The following HTR2C variants were observed in gnomAD, a reference collection of about 807,000 sequenced individuals.
HTR2C encodes 5-hydroxytryptamine (serotonin) receptor 2C, G protein-coupled.
In HTR2C, 5 loss-of-function variants were observed where a neutral mutation model predicts 21.0. That is an observed-to-expected ratio of 0.24 (90% confidence interval 0.12 to 0.50). HTR2C has a LOEUF of 0.50. Ranked by LOEUF, HTR2C falls within the 20% of genes least tolerant of loss-of-function variation. The pLI is 0.98. For synonymous variants in HTR2C, 150 were observed against 145.3 expected (o/e 1.03, Z -0.23); for missense variants, 271 against 371.2 (o/e 0.73, Z 2.22).
At chrX:114,902,204 C>T (rs1428355253) in intron 5 of HTR2C, among the ~76,000 whole-genome samples, 2 of 111,675 alleles carry the variant, frequency 1.8e-5, no homozygotes, top group African/African-American at 6.5e-5. Flanking sequence ...TTTATATTTA[C>T]CAGACATGAT....
intron 5 of HTR2C, among the ~76,000 whole-genome samples, chrX:114,868,592 G>A (rs2071065219): frequency 1.8e-5 from 2 of 112,240 alleles, no homozygotes; most frequent in South Asian, 7.3e-4. Flanking sequence ...TTTGTTTCCA[G>A]GTTTTTGCCA....
chrX:114,656,217 C>G (rs1314999746), intron 2 of HTR2C, among the ~76,000 whole-genome samples: 1 of 110,762 alleles, frequency 9.0e-6, no homozygotes, highest in Admixed American at 9.7e-5. Context: ...TATTGTCTCA[C>G]TACTAATTAT....
rs2071402904 is a variant in HTR2C, at chrX:114,909,999, G to A, written c.*2584G>A. ...AAGTGTTGTCTTATTCCTAATTCCTGTATGTTATCCACTACAGGTTTTATG... is the reference window on the plus strand; with the variant it reads ...AAGTGTTGTCTTATTCCTAATTCCTATATGTTATCCACTACAGGTTTTATG... On this transcript the variant is annotated 3_prime_UTR_variant, in exon 6 of 6. Coordinates refer to ENST00000276198, the MANE Select transcript of HTR2C (RefSeq NM_000868.4). The A allele has an allele frequency of 9.0e-6, 1 of 111,690 alleles. No individual in the cohort carries two copies. The highest frequency in any genetic ancestry group is 3.3e-5 in the African/African-American group (1 of 30,575). The allele number at this position is 111,690 out of a possible 1,213,427, so 9.2% of individuals were successfully genotyped here.
chrX:114,771,978 G>A (rs977742411), intron 4 of HTR2C, among the ~76,000 whole-genome samples: 8 of 112,191 alleles, frequency 7.1e-5, no homozygotes, highest in Admixed American at 1.9e-4. Flanking sequence ...CACTCAACTG[G>A]CTGGTTACTG....
intron 2 of HTR2C, among the ~76,000 whole-genome samples, chrX:114,703,456 G>A (rs1932630962): frequency 1.8e-5 from 2 of 111,087 alleles, no homozygotes; most frequent in South Asian, 3.8e-4. Flanking sequence ...GCTCCTGAAT[G>A]ACTACTGGGT....
At chrX:114,844,887 T>C (rs192968831) in intron 4 of HTR2C, among the ~76,000 whole-genome samples, 18 of 111,300 alleles carry the variant, frequency 1.6e-4, no homozygotes, top group Admixed American at 2.9e-4. Context: ...AAAGAATTAA[T>C]GGGAGAAAAA....
intron 1 of HTR2C, among the ~76,000 whole-genome samples, chrX:114,609,412 C>T (rs910929913): frequency 2.9e-4 from 32 of 111,402 alleles, no homozygotes; most frequent in African/African-American, 9.1e-4. Context: ...TAATCGTTTT[C>T]GTTATCTGCA....
chrX:114,725,448 G>A (rs782679087), intron 2 of HTR2C, among the ~76,000 whole-genome samples: 1 of 110,727 alleles, frequency 9.0e-6, no homozygotes, highest in African/African-American at 3.3e-5. Flanking sequence ...CATCTTCTTT[G>A]CCTTTGGTTT....
At chrX:114,845,757 C>T (rs2070868840) in intron 4 of HTR2C, among the ~76,000 whole-genome samples, 1 of 109,512 alleles carries the variant, frequency 9.1e-6, no homozygotes, top group African/African-American at 3.3e-5. Flanking sequence ...TGCCTGTAAT[C>T]CTCGCACCTT....
intron 4 of HTR2C, among the ~76,000 whole-genome samples, chrX:114,760,415 C>A (rs1215616616): frequency 8.9e-6 from 1 of 111,980 alleles, no homozygotes; most frequent in Non-Finnish European, 1.9e-5. Context: ...ACTTCTGATT[C>A]TCTATCTAGA....
At chrX:114,678,877 C>A (rs1415627957) in intron 2 of HTR2C, among the ~76,000 whole-genome samples, 2 of 111,703 alleles carry the variant, frequency 1.8e-5, no homozygotes, top group Non-Finnish European at 3.8e-5. Flanking sequence ...ATAAAATATT[C>A]TTGCTGCCCA....
intron 5 of HTR2C, among the ~76,000 whole-genome samples, chrX:114,861,454 C>T (rs1409653281): frequency 1.8e-5 from 2 of 111,118 alleles, no homozygotes; most frequent in Non-Finnish European, 3.8e-5. Flanking sequence ...GTTTCCATAT[C>T]TTAGCTATTG....
chrX:114,670,483 G>A (rs1446426202), intron 2 of HTR2C, among the ~76,000 whole-genome samples: 1 of 109,370 alleles, frequency 9.1e-6, no homozygotes, highest in East Asian at 2.8e-4. Context: ...TCAGAAAATC[G>A]TCTTTTATGT....
intron 5 of HTR2C, among the ~76,000 whole-genome samples, chrX:114,881,877 C>T: frequency 9.1e-6 from 1 of 109,798 alleles, no homozygotes; most frequent in East Asian, 2.8e-4. Flanking sequence ...ACAATTTCTA[C>T]AAAGAAGTCA....
chrX:114,651,616 T>TA (rs1228215653), intron 2 of HTR2C: 15 of 125,122 alleles, frequency 1.2e-4, no homozygotes, highest in African/African-American at 4.6e-4. Context: ...GTGAACATAA[T>TA]AGAGATTGAA....
At chrX:114,861,489 G>A (rs1161603656) in intron 5 of HTR2C, among the ~76,000 whole-genome samples, 3 of 110,873 alleles carry the variant, frequency 2.7e-5, no homozygotes, top group African/African-American at 6.5e-5. Flanking sequence ...ATGAGCATGG[G>A]AGAGCACATA....
chrX:114,651,387 A>G (rs1243255556), intron 2 of HTR2C, among the ~76,000 whole-genome samples: 1 of 111,690 alleles, frequency 9.0e-6, no homozygotes, highest in African/African-American at 3.2e-5. Flanking sequence ...GCTAGAGGGT[A>G]AGAGACTACT....
Position 114,584,162 on chromosome X carries a change from CG to C in HTR2C, c.-642del, listed in dbSNP as rs1556388816. 1 of 112,624 alleles carries C rather than the reference CG, an allele frequency of 8.9e-6. No homozygotes were observed. Among genetic ancestry groups the C allele is most frequent in the African/African-American group, 3.2e-5 (1 of 30,915 alleles). The allele number at this position is 112,624 out of a possible 1,213,427, so 9.3% of individuals were successfully genotyped here. The stretch of plus-strand genomic sequence containing the variant: ...GATCTTCCCGATACTGCCTTTGGAG[CG>C]GCTAGATTGCTAGCCTTGGCTGCTC... On this transcript the variant is annotated 5_prime_UTR_variant, in exon 1 of 6. It removes the in-frame stop codon of an upstream open reading frame in the 5' UTR. Coordinates refer to ENST00000276198, the MANE Select transcript of HTR2C (RefSeq NM_000868.4).
intron 4 of HTR2C, among the ~76,000 whole-genome samples, chrX:114,774,223 G>T (rs1471309944): frequency 9.0e-6 from 1 of 111,526 alleles, no homozygotes; most frequent in African/African-American, 3.3e-5. Context: ...AACAACATGA[G>T]GTTATGTGCT....
Sources: allele counts gnomAD v4.1 joint callset (sites outside exome capture counted in the v4.1 genomes callset), GRCh38; gene constraint gnomAD v4.1.1; transcripts MANE v1.5; gene names NCBI Gene and HGNC (gene_info 2026-07-23, HGNC 2026-07-21).